The following ZBTB4 variants were observed in gnomAD, a reference collection of about 807,000 sequenced individuals.
The protein encoded by ZBTB4 is zinc finger and BTB domain-containing protein 4.
ZBTB4 carries 14 observed loss-of-function variants against 59.8 expected under a neutral mutation model. The observed-to-expected ratio is 0.23, with a 90% CI of 0.15 to 0.37. The LOEUF (loss-of-function observed/expected upper bound fraction) is 0.37. Ranked by LOEUF, ZBTB4 falls within the 10% of genes least tolerant of loss-of-function variation. ZBTB4 has a pLI of 1.00. For missense variants in ZBTB4, 1,198 were observed against 1,380.8 expected, an observed-to-expected ratio of 0.87 and a Z score of 2.10; for synonymous variants, 587 against 575.2, an observed-to-expected ratio of 1.02 and a Z score of -0.29.
chr17:7,466,759 C>CG lies in ZBTB4; in HGVS notation c.42dup (p.Ala15ArgfsTer8). 1 of 1,587,052 alleles carries CG rather than the reference C, an allele frequency of 6.3e-7. No homozygotes were observed. On this transcript the variant is annotated frameshift_variant, in exon 3 of 4. Coordinates refer to ENST00000380599, the MANE Select transcript of ZBTB4 (RefSeq NM_001128833.2). LOFTEE classifies it high-confidence loss of function. This position sits in a 1 kb window ranked among gnomAD's most constrained non-coding sequence, Gnocchi z 9.1. ...TGTTCATTGAGCTGGCGCAGGACGG[C>CG]GGGGGCATGGGACGGGTCCGTCACC...
intron 3 of ZBTB4, among the ~76,000 whole-genome samples, chr17:7,464,775 T>C (rs980916937): frequency 7.1e-6 from 1 of 141,234 alleles, no homozygotes; most frequent in Non-Finnish European, 1.5e-5. Flanking sequence ...GAGGTAGAGG[T>C]TGCACTGAGC....
At chr17:7,471,558 G>C (rs905586124) in intron 1 of ZBTB4, among the ~76,000 whole-genome samples, 7 of 152,156 alleles carry the variant, frequency 4.6e-5, no homozygotes, top group Non-Finnish European at 8.8e-5. Context: ...GGGGTTATTT[G>C]CCTCTGGTTT....
chr17:7,462,365 G>T lies in ZBTB4; in HGVS notation c.2617C>A (p.Gln873Lys). The T allele has an allele frequency of 5.6e-6, 9 of 1,613,864 alleles. No homozygotes were observed. The highest frequency in any genetic ancestry group is 7.6e-6 in the Non-Finnish European group (9 of 1,179,968). ...SGGSYVYPPVQEFPLALIGGG... is the reference protein window; with the variant it reads ...SGGSYVYPPVKEFPLALIGGG... ...CCAATCAAGGCCAGTGGAAATTCCTGCACAGGTGGGTATACATAGCTGCCC... is the reference window on the plus strand; with the variant it reads ...CCAATCAAGGCCAGTGGAAATTCCTTCACAGGTGGGTATACATAGCTGCCC... The change falls in exon 4 of 4, where the codon CAG becomes AAG. Residue 873 changes from glutamine (Q) to lysine (K), a missense_variant. Gln to Lys is a moderately conservative substitution (Grantham distance 53). This residue lies in a region of ZBTB4 where 211 missense variants were observed against 236.1 expected (regional missense o/e 0.89). Transcript: ENST00000380599. The surrounding 1 kb of genome is among the most constrained non-coding windows in gnomAD (Gnocchi z 7.5).
chr17:7,463,367 C>T lies in ZBTB4; in HGVS notation c.1615G>A (p.Ala539Thr). Residue 539 changes from alanine (A) to threonine (T), a missense_variant, in exon 4 of 4, where the codon GCA becomes ACA. Physicochemically the swap from Ala to Thr is moderately conservative, Grantham distance 58. Transcript: ENST00000380599. ...CCTGCAGCGGTGGCTGGGCTGACTG[C>T]TGTGGCTGGGCTGGTGGGTGTGGCT... is the stretch of plus-strand genomic sequence containing the variant. The part of the protein sequence containing the change: ...PAATPTSPAT[A>T]VSPATAAGPA... 2 of 1,605,716 alleles carry T rather than the reference C, an allele frequency of 1.2e-6. No individual in the cohort carries two copies. The highest frequency in any genetic ancestry group is 1.7e-6 in the Non-Finnish European group (2 of 1,176,240).
chr17:7,479,995 G>A (rs1342518836), upstream of ZBTB4, among the ~76,000 whole-genome samples: 1 of 152,034 alleles, frequency 6.6e-6, no homozygotes, highest in Non-Finnish European at 1.5e-5. Context: ...ACATGACATG[G>A]CAGACTCATA....
rs2070009478 is a variant in ZBTB4, at chr17:7,460,785, T to C, written c.*1155A>G. On this transcript the variant is annotated 3_prime_UTR_variant, in exon 4 of 4. Transcript: ENST00000380599. ...GTGGGGAACTGAGTCAAAGATGGGGTGTAAGGTGCTATTTTGAAGGGAAAG... is the reference window on the plus strand; with the variant it reads ...GTGGGGAACTGAGTCAAAGATGGGGCGTAAGGTGCTATTTTGAAGGGAAAG... 6.6e-6 allele frequency: 1 copy of C among 152,192 alleles called. No homozygotes were observed. 9.4% of individuals were successfully genotyped at this position (152,192 alleles called of 1,614,324 possible).
intron 3 of ZBTB4, among the ~76,000 whole-genome samples, chr17:7,464,362 GT>G (rs34739055): frequency 0.77 from 113,976 of 148,820 alleles, 44,568 homozygotes; most frequent in Middle Eastern, 0.9. Flanking sequence ...TGGAGGTGAG[GT>G]TGCAGTGAGC....
upstream of ZBTB4, among the ~76,000 whole-genome samples, chr17:7,480,842 T>C (rs1440397653): frequency 6.6e-6 from 1 of 151,868 alleles, no homozygotes; most frequent in Non-Finnish European, 1.5e-5. Context: ...TTTGGAGTCA[T>C]GGAGACATAA....
At chr17:7,481,163 CAA>C (rs34984586), upstream of ZBTB4, among the ~76,000 whole-genome samples, 6 of 130,206 alleles carry the variant, frequency 4.6e-5, no homozygotes, top group South Asian at 2.4e-4. Flanking sequence ...AACTCCGTCC[CAA>C]AAAAAAAAAA....
rs373187012 is a variant in ZBTB4 at position 7,465,896 on chromosome 17, C to T, written c.906G>A (p.Val302=). Residue 302 remains valine, a synonymous_variant, in exon 3 of 4, where the codon GTG becomes GTA. Coordinates refer to ENST00000380599, the MANE Select transcript of ZBTB4 (RefSeq NM_001128833.2). ...FRGGPEHVVK[V]VGGHVLYVCA... is the part of the protein sequence containing the mutation. ...ACACATACAGCACGTGGCCGCCCAC[C>T]ACCTTCACCACGTGCTCGGGGCCCC... 18 of 1,613,240 alleles carry T rather than the reference C, an allele frequency of 1.1e-5. No homozygotes were observed. In the African/African-American group the frequency reaches 2.4e-4, roughly 21 times the overall value.
At chr17:7,470,875 G>T (rs957087116) in intron 1 of ZBTB4, among the ~76,000 whole-genome samples, 1 of 152,090 alleles carries the variant, frequency 6.6e-6, no homozygotes, top group African/African-American at 2.4e-5. Context: ...ACCCACTAGG[G>T]CACAAATATC....
At chr17:7,475,321 A>C (rs1420135427) in intron 1 of ZBTB4, among the ~76,000 whole-genome samples, 1 of 152,026 alleles carries the variant, frequency 6.6e-6, no homozygotes, top group Non-Finnish European at 1.5e-5. Flanking sequence ...AGCCTGGGTA[A>C]CAAGAGAGAA....
intron 3 of ZBTB4, among the ~76,000 whole-genome samples, chr17:7,464,834 T>C (rs1317975938): frequency 1.4e-5 from 2 of 140,892 alleles, no homozygotes; most frequent in Non-Finnish European, 3.0e-5. Context: ...CGAGACTCGG[T>C]CTTAAAAAAA....
At chr17:7,468,760 T>A (rs1350418321) in intron 1 of ZBTB4, among the ~76,000 whole-genome samples, 1 of 152,154 alleles carries the variant, frequency 6.6e-6, no homozygotes, top group Non-Finnish European at 1.5e-5. Flanking sequence ...CTGAAAAATC[T>A]TCTTTCCCAT....
rs111690305 is a variant in ZBTB4 at position 7,461,705 on chromosome 17, C to G, written c.*235G>C. On this transcript the variant is annotated 3_prime_UTR_variant, in exon 4 of 4. Coordinates refer to ENST00000380599, the MANE Select transcript of ZBTB4 (RefSeq NM_001128833.2). ...AGGGATGGAAGCTGGCCCTGCCCCT[C>G]ATGGAGGCCATTCCCTGGAGGAAGA... 5.9e-4 allele frequency: 252 copies of G among 427,506 alleles called. No homozygotes were observed. The highest frequency in any genetic ancestry group is 4.7e-3 in the African/African-American group (227 of 48,754). 26.5% of individuals were successfully genotyped at this position (427,506 alleles called of 1,614,324 possible). A position where few individuals can be genotyped will look rare whatever the true frequency, so the allele number is the denominator to read the frequency against.
At chr17:7,483,891 C>G (rs944202775), upstream of ZBTB4, 1 of 152,292 alleles carries the variant, frequency 6.6e-6, no homozygotes, top group African/African-American at 2.4e-5. Context: ...TACTTCCGGA[C>G]AAGCCACTGG....
In ZBTB4 at chr17:7,460,729, G is replaced by A. The variant is rs897328041; in HGVS notation, c.*1211C>T. ...GGATTAGGGACTATTTAAAGTCCCT[G>A]TACCCCATCCCTAGGCTGGGATCTT... On this transcript the variant is annotated 3_prime_UTR_variant, in exon 4 of 4. Coordinates refer to ENST00000380599, the MANE Select transcript of ZBTB4 (RefSeq NM_001128833.2). The A allele has an allele frequency of 2.0e-4, 31 of 152,650 alleles. No homozygotes were observed. Among genetic ancestry groups the A allele is most frequent in the African/African-American group, 7.2e-4 (30 of 41,454 alleles). The allele number at this position is 152,650 out of a possible 1,614,324, so 9.5% of individuals were successfully genotyped here.
intron 1 of ZBTB4, among the ~76,000 whole-genome samples, chr17:7,472,841 T>C (rs2070217245): frequency 6.6e-6 from 1 of 151,550 alleles, no homozygotes; most frequent in Non-Finnish European, 1.5e-5. Flanking sequence ...ATTGGATCTC[T>C]CTATGTTGGC....
chr17:7,468,049 C>G (rs959359200), intron 1 of ZBTB4, among the ~76,000 whole-genome samples: 12 of 152,320 alleles, frequency 7.9e-5, no homozygotes, highest in African/African-American at 1.4e-4. Context: ...CAACTCCTAC[C>G]TCACCTCTTG....
Sources: gnomAD v4.1 joint callset for allele counts (sites outside exome capture counted in the v4.1 genomes callset) on GRCh38, gnomAD v4.1.1 for gene constraint, gnomAD v4.1.1 regional missense constraint, Gnocchi (gnomAD v3.1) non-coding constraint, MANE v1.5 for transcripts, NCBI Gene and HGNC (gene_info 2026-07-23, HGNC 2026-07-21) for gene names.